KLHL1: variants seen among roughly 807,000 people sequenced by gnomAD.
KLHL1 encodes kelch-like protein 1.
KLHL1 carries 47 observed loss-of-function variants against 77.7 expected under a neutral mutation model. The ratio of observed to expected loss-of-function variants is 0.60; its 90% CI spans 0.48 to 0.77. The LOEUF (loss-of-function observed/expected upper bound fraction) is 0.77. KLHL1 is among the 30% of genes least tolerant of loss of function. The pLI is 0.00. For synonymous variants in KLHL1, 360 were observed against 325.2 expected (o/e 1.11, Z -1.15); for missense variants, 925 against 910.8 (o/e 1.02, Z -0.20).
chr13:69,788,656 TATAATA>T (rs749231972), intron 7 of KLHL1, among the ~76,000 whole-genome samples: 7 of 129,154 alleles, frequency 5.4e-5, no homozygotes, highest in Non-Finnish European at 1.0e-4. Flanking sequence ...AAACTTAAAG[TATAATA>T]ATAATAATAG....
At chr13:69,850,446 A>T (rs1033735365) in intron 5 of KLHL1, among the ~76,000 whole-genome samples, 1 of 151,504 alleles carries the variant, frequency 6.6e-6, no homozygotes, top group Non-Finnish European at 1.5e-5. Context: ...CCAAACAGTC[A>T]CCAAATACAG....
rs548717853 is a variant in KLHL1 at position 69,930,523 on chromosome 13, A to T, written c.1014+9517T>A. On this transcript the variant is annotated intron_variant, in intron 4 of 10. Transcript: ENST00000377844. ...TGATAGTCTTGCTGAATAATTAAGAAAATACAATTTGTGAATCTCCTTCCA... is the reference window on the plus strand; with the variant it reads ...TGATAGTCTTGCTGAATAATTAAGATAATACAATTTGTGAATCTCCTTCCA... Among the ~76,000 whole-genome samples the T allele has an allele frequency of 1.1e-4, 16 of 151,958 alleles. No homozygotes were observed. The East Asian group carries it at 3.1e-3, about 29-fold the overall frequency.
chr13:69,808,427 C>T (rs572834150), intron 6 of KLHL1, among the ~76,000 whole-genome samples: 42 of 152,188 alleles, frequency 2.8e-4, no homozygotes, highest in African/African-American at 9.2e-4. Flanking sequence ...AGCCACTACA[C>T]AAACCTTTCT....
intron 8 of KLHL1, among the ~76,000 whole-genome samples, chr13:69,721,079 A>ATATATATATATATATATAT (rs1555300737): frequency 7.5e-4 from 51 of 67,608 alleles, no homozygotes; most frequent in East Asian, 3.2e-3. Context: ...ATATATATAT[A>ATATATATATATATATATAT]AAGCTATGTA....
rs185601340 is a variant in KLHL1 at position 69,906,125 on chromosome 13, T to C, written c.1015-23630A>G. Among the ~76,000 whole-genome samples, 38 of 152,196 alleles carry C rather than the reference T, an allele frequency of 2.5e-4. No individual in the cohort carries two copies. The East Asian group carries it at 6.9e-3, about 28-fold the overall frequency. The stretch of plus-strand genomic sequence containing the variant: ...ACTATACACTTTATTTCCTTCTCAA[T>C]ACCGCATGAGAACTATTCACTTATT... On this transcript the variant is annotated intron_variant, in intron 4 of 10. Coordinates refer to ENST00000377844, the MANE Select transcript of KLHL1 (RefSeq NM_020866.3).
At chr13:70,066,286 T>C (rs990073680) in intron 1 of KLHL1, among the ~76,000 whole-genome samples, 11 of 152,206 alleles carry the variant, frequency 7.2e-5, no homozygotes, top group African/African-American at 2.2e-4. Flanking sequence ...CTAAGTCATC[T>C]AGCAATGAGA....
chr13:69,865,304 G>C (rs571405826), intron 5 of KLHL1, among the ~76,000 whole-genome samples: 1 of 152,204 alleles, frequency 6.6e-6, no homozygotes, highest in African/African-American at 2.4e-5. Flanking sequence ...ATGAGGGCCA[G>C]AGCATGGAAG....
At chr13:70,081,095 G>A (rs560768716) in intron 1 of KLHL1, among the ~76,000 whole-genome samples, 1 of 152,244 alleles carries the variant, frequency 6.6e-6, no homozygotes, top group East Asian at 1.9e-4. Context: ...ACACACATTT[G>A]ATTTAACAAG....
Position 69,767,716 on chromosome 13 carries a change from G to A in KLHL1, c.1640-27160C>T, listed in dbSNP as rs180693366. ...CTTGTTCTTTCCTTTCGTTTTCTCA[G>A]TATTTTGTCTTAATTAATTCTGACA... On this transcript the variant is annotated intron_variant, in intron 7 of 10. Transcript: ENST00000377844. 6.7e-4 allele frequency among the ~76,000 whole-genome samples: 102 copies of A among 152,134 alleles called. 1 individual carries two copies. Among genetic ancestry groups the A allele is most frequent in the African/African-American group, 2.3e-3 (96 of 41,506 alleles).
intron 1 of KLHL1, among the ~76,000 whole-genome samples, chr13:70,060,652 T>G (rs548433694): frequency 2.0e-5 from 3 of 152,200 alleles, no homozygotes; most frequent in South Asian, 4.2e-4. Context: ...AAGACCAGCC[T>G]GGCCAACGTG....
At chr13:70,033,679 G>A (rs953508302) in intron 1 of KLHL1, among the ~76,000 whole-genome samples, 2 of 126,898 alleles carry the variant, frequency 1.6e-5, no homozygotes, top group East Asian at 4.7e-4. Flanking sequence ...GCATGCAGTG[G>A]CACCATCTTG....
chr13:69,894,471 G>T, intron 4 of KLHL1: 1 of 167,190 alleles, frequency 6.0e-6, no homozygotes, highest in South Asian at 1.6e-4. Flanking sequence ...CAACATTATT[G>T]GCTGAATTTA....
chr13:69,773,341 T>C (rs1875668497), intron 7 of KLHL1, among the ~76,000 whole-genome samples: 1 of 152,056 alleles, frequency 6.6e-6, no homozygotes, highest in Non-Finnish European at 1.5e-5. Context: ...AGTCAGAAAG[T>C]CTGATCAAGC....
chr13:69,780,757 T>TATATATATAC (rs1555267704), intron 7 of KLHL1, among the ~76,000 whole-genome samples: 3 of 128,136 alleles, frequency 2.3e-5, no homozygotes, highest in African/African-American at 9.3e-5. Context: ...TATATATATA[T>TATATATATAC]ACACACACAT....
At chr13:70,105,555 T>C (rs1319730437) in intron 1 of KLHL1, among the ~76,000 whole-genome samples, 1 of 151,410 alleles carries the variant, frequency 6.6e-6, no homozygotes, top group Non-Finnish European at 1.5e-5. Context: ...CTATCAGTTT[T>C]AATAAAATAG....
intron 3 of KLHL1, among the ~76,000 whole-genome samples, chr13:69,960,882 T>C (rs1884041723): frequency 6.6e-6 from 1 of 152,016 alleles, no homozygotes; most frequent in Non-Finnish European, 1.5e-5. Context: ...ATTTGTCAAG[T>C]CCACATTAAC....
Position 70,059,607 on chromosome 13 carries a change from G to A in KLHL1, c.497+47596C>T, listed in dbSNP as rs1449676572. 5.9e-5 allele frequency among the ~76,000 whole-genome samples: 9 copies of A among 152,300 alleles called. No homozygotes were observed. In the East Asian group the frequency reaches 1.7e-3, roughly 29 times the overall value. ...AAAATTAAGAGACAAACCACAGAATGGGAGAAAATATTTGCAAATTATCCA... is the reference window on the plus strand; with the variant it reads ...AAAATTAAGAGACAAACCACAGAATAGGAGAAAATATTTGCAAATTATCCA... On this transcript the variant is annotated intron_variant, in intron 1 of 10. Transcript: ENST00000377844.
At chr13:69,954,827 CAT>C (rs1883818262) in intron 3 of KLHL1, among the ~76,000 whole-genome samples, 1 of 149,836 alleles carries the variant, frequency 6.7e-6, no homozygotes, top group African/African-American at 2.5e-5. Context: ...ACATTTTAAA[CAT>C]ATATATGCAT....
chr13:69,796,013 A>G (rs951039091), intron 7 of KLHL1, among the ~76,000 whole-genome samples: 4 of 152,152 alleles, frequency 2.6e-5, no homozygotes, highest in African/African-American at 9.7e-5. Flanking sequence ...GGGTTGCACT[A>G]CTTCGGCCTT....
Sources: allele counts gnomAD v4.1 joint callset (sites outside exome capture counted in the v4.1 genomes callset), GRCh38; gene constraint gnomAD v4.1.1; transcripts MANE v1.5; gene names NCBI Gene and HGNC (gene_info 2026-07-23, HGNC 2026-07-21).